STK32B: variants seen among roughly 807,000 people sequenced by gnomAD.
STK32B encodes the protein serine/threonine kinase 32B.
Under a neutral mutation model 52.6 loss-of-function variants are expected in STK32B, and 43 were observed. That is an observed-to-expected ratio of 0.82 (90% confidence interval 0.64 to 1.05). STK32B has a LOEUF of 1.05. Among genes scored for constraint, STK32B ranks in the 50% least tolerant of loss-of-function variants. STK32B has a pLI of 0.00. For missense variants in STK32B, 621 were observed against 534.6 expected, an observed-to-expected ratio of 1.16 and a Z score of -1.59; for synonymous variants, 238 against 204.3, an observed-to-expected ratio of 1.17 and a Z score of -1.41.
chr4:5,444,112 G>A (rs1715098749), intron 6 of STK32B, among the ~76,000 whole-genome samples: 1 of 152,208 alleles, frequency 6.6e-6, no homozygotes, highest in South Asian at 2.1e-4. Flanking sequence ...GCCTCCTTGA[G>A]CTGTGGTGGG....
At chr4:5,209,137 G>C (rs370353513) in intron 3 of STK32B, among the ~76,000 whole-genome samples, 14 of 152,222 alleles carry the variant, frequency 9.2e-5, no homozygotes, top group African/African-American at 2.9e-4. Context: ...AAAATTGTGA[G>C]TATGGACTAA....
At chr4:5,174,831 G>C (rs1486117177) in intron 3 of STK32B, among the ~76,000 whole-genome samples, 5 of 152,106 alleles carry the variant, frequency 3.3e-5, no homozygotes, top group African/African-American at 1.2e-4. Flanking sequence ...TGTGTTTCCT[G>C]AATTTGAATG....
intron 1 of STK32B, among the ~76,000 whole-genome samples, chr4:5,079,056 G>C (rs1712250676): frequency 6.6e-6 from 1 of 152,240 alleles, no homozygotes; most frequent in East Asian, 1.9e-4. Context: ...TTATGCCTTA[G>C]CAATTCCTCT....
chr4:5,418,155 C>T (rs531321254), intron 6 of STK32B, among the ~76,000 whole-genome samples: 61 of 152,350 alleles, frequency 4.0e-4, no homozygotes, highest in South Asian at 8.3e-4. Context: ...AACAACCCAT[C>T]ACTGTGTCTT....
intron 6 of STK32B, among the ~76,000 whole-genome samples, chr4:5,436,885 C>A (rs1032177840): frequency 1.3e-5 from 2 of 152,146 alleles, no homozygotes; most frequent in Admixed American, 6.5e-5. Context: ...ACCCTTCAGC[C>A]CTGCGATGTT....
At chr4:5,352,077 C>G (rs1193347226) in intron 4 of STK32B, among the ~76,000 whole-genome samples, 1 of 151,962 alleles carries the variant, frequency 6.6e-6, no homozygotes, top group Non-Finnish European at 1.5e-5. Flanking sequence ...GAGAAAGAAA[C>G]TCTCCCTAAC....
intron 3 of STK32B, among the ~76,000 whole-genome samples, chr4:5,248,777 G>C (rs752504666): frequency 9.2e-5 from 14 of 152,132 alleles, no homozygotes; most frequent in Non-Finnish European, 1.8e-4. Flanking sequence ...CCTTTTTAGG[G>C]ATATGGATGA....
chr4:5,317,316 G>C lies in STK32B; in HGVS notation c.261-13904G>C, dbSNP rs1315315482. Reference sequence around the variant, plus strand: ...ATATAATATATAATATATAACATATGTATAATATATATTACATATATAATA... The same window carrying C: ...ATATAATATATAATATATAACATATCTATAATATATATTACATATATAATA... On this transcript the variant is annotated intron_variant, in intron 3 of 11. Transcript: ENST00000282908. Among the ~76,000 whole-genome samples, 3 of 28,126 alleles carry C rather than the reference G, an allele frequency of 1.1e-4. No individual in the cohort carries two copies. The African/African-American group carries it at 1.3e-3, about 12-fold the overall frequency. The allele number at this position is 28,126 out of a possible 152,430, so 18.5% of individuals were successfully genotyped here. A position where few individuals can be genotyped will look rare whatever the true frequency, so the allele number is the denominator to read the frequency against.
Position 5,316,977 on chromosome 4 carries a change from A to G in STK32B, c.261-14243A>G, listed in dbSNP as rs866058454. Among the ~76,000 whole-genome samples the G allele has an allele frequency of 6.2e-4, 11 of 17,716 alleles. 1 individual carries two copies. In the East Asian group the frequency reaches 0.011, roughly 18 times the overall value. 11.6% of individuals were successfully genotyped at this position (17,716 alleles called of 152,430 possible). A position where few individuals can be genotyped will look rare whatever the true frequency, so the allele number is the denominator to read the frequency against. ...ATGATATAATATATATAATATATAT[A>G]ATATATAATATATATGATATAATAT... On this transcript the variant is annotated intron_variant, in intron 3 of 11. Coordinates refer to ENST00000282908, the MANE Select transcript of STK32B (RefSeq NM_018401.3).
chr4:5,409,435 G>A (rs1737878728), intron 5 of STK32B, among the ~76,000 whole-genome samples: 1 of 152,162 alleles, frequency 6.6e-6, no homozygotes. Context: ...TCAATACTGT[G>A]AGATAGAAAG....
chr4:5,385,379 C>T (rs1736181110), intron 4 of STK32B, among the ~76,000 whole-genome samples: 1 of 151,010 alleles, frequency 6.6e-6, no homozygotes, highest in African/African-American at 2.4e-5. Context: ...CTTCGAAGCC[C>T]CGTGCCCATG....
At chr4:5,182,074 AGC>A (rs1720407935) in intron 3 of STK32B, among the ~76,000 whole-genome samples, 1 of 152,210 alleles carries the variant, frequency 6.6e-6, no homozygotes, top group African/African-American at 2.4e-5. Context: ...CTTCATATGG[AGC>A]AGCTTCCATC....
intron 7 of STK32B, among the ~76,000 whole-genome samples, chr4:5,447,964 C>T (rs577500021): frequency 6.6e-6 from 1 of 152,116 alleles, no homozygotes; most frequent in Non-Finnish European, 1.5e-5. Context: ...ATATTCATGC[C>T]CATAGGAGGT....
At chr4:5,031,741 G>A in the STK32B span, among the ~76,000 whole-genome samples, 1 of 152,172 alleles carries the variant, frequency 6.6e-6, no homozygotes, top group Admixed American at 6.5e-5. Context: ...GTGGGTTCAT[G>A]GGCAGGTCGG....
At chr4:5,479,616 G>C (rs1017624950) in intron 11 of STK32B, among the ~76,000 whole-genome samples, 6 of 152,198 alleles carry the variant, frequency 3.9e-5, no homozygotes, top group Non-Finnish European at 8.8e-5. Context: ...TTCCCAGATG[G>C]GATGGGCTGC....
rs1358549242 is a variant in STK32B at position 5,317,403 on chromosome 4, ATG to A, written c.261-13815_261-13814del. ...ATATTACATATATATAATATATATAATGTATATGTATTATATATAATACATAT... is the reference window on the plus strand; with the variant it reads ...ATATTACATATATATAATATATATAATATATGTATTATATATAATACATAT... On this transcript the variant is annotated intron_variant, in intron 3 of 11. Transcript: ENST00000282908. 1.1e-4 allele frequency among the ~76,000 whole-genome samples: 9 copies of A among 79,328 alleles called. 2 individuals carry two copies. Among genetic ancestry groups the A allele is most frequent in the African/African-American group, 8.0e-4 (9 of 11,198 alleles). The allele number at this position is 79,328 out of a possible 152,430, so 52.0% of individuals were successfully genotyped here.
At chr4:5,255,460 G>A (rs1285134048) in intron 3 of STK32B, among the ~76,000 whole-genome samples, 1 of 151,812 alleles carries the variant, frequency 6.6e-6, no homozygotes, top group Non-Finnish European at 1.5e-5. Flanking sequence ...ATACAGCAAA[G>A]TGAATTGGTC....
At chr4:5,482,991 G>A (rs1184673024) in intron 11 of STK32B, among the ~76,000 whole-genome samples, 1 of 152,168 alleles carries the variant, frequency 6.6e-6, no homozygotes, top group East Asian at 1.9e-4. Flanking sequence ...CGGTTTGCCA[G>A]TATTTTACTG....
intron 1 of STK32B, among the ~76,000 whole-genome samples, chr4:5,053,840 A>G (rs1317623321): frequency 6.6e-6 from 1 of 152,098 alleles, no homozygotes; most frequent in Non-Finnish European, 1.5e-5. Context: ...TTAGCCGGGC[A>G]TGTTGGCGGG....
Sources: gnomAD v4.1 joint callset for allele counts (sites outside exome capture counted in the v4.1 genomes callset) on GRCh38, gnomAD v4.1.1 for gene constraint, MANE v1.5 for transcripts, NCBI Gene and HGNC (gene_info 2026-07-23, HGNC 2026-07-21) for gene names.